FOXP1: variants seen among roughly 807,000 people sequenced by gnomAD.
FOXP1 encodes forkhead box P1, also known as forkhead box protein P1.
A neutral mutation model predicts 98.2 loss-of-function variants in FOXP1; 15 were observed. The ratio of observed to expected loss-of-function variants is 0.15; its 90% confidence interval spans 0.10 to 0.24. The LOEUF (loss-of-function observed/expected upper bound fraction) is 0.24. Ranked by LOEUF, FOXP1 falls within the 10% of genes least tolerant of loss-of-function variation. FOXP1 has a pLI of 1.00. For missense variants in FOXP1, 633 were observed against 848.5 expected, an observed-to-expected ratio of 0.75 and a Z score of 3.15; for synonymous variants, 371 against 314.5, an observed-to-expected ratio of 1.18 and a Z score of -1.90.
rs2045249486 is a variant in FOXP1 at position 71,545,093 on chromosome 3, CA to C, written c.-298+36455del. On this transcript the variant is annotated intron_variant, in intron 2 of 20. Transcript: ENST00000649528. The stretch of plus-strand genomic sequence containing the variant: ...TTAACCAGGACCATGGGTGGTAAAA[CA>C]ATTTTTTTTTTATTAAAAATAACCA... 2.2e-5 allele frequency among the ~76,000 whole-genome samples: 3 copies of C among 139,104 alleles called. No individual in the cohort carries two copies. In the East Asian group the frequency reaches 5.8e-4, roughly 27 times the overall value. The allele number at this position is 139,104 out of a possible 152,430, so 91.3% of individuals were successfully genotyped here.
chr3:71,575,456 T>TAC (rs141932734), intron 2 of FOXP1, among the ~76,000 whole-genome samples: 84 of 149,530 alleles, frequency 5.6e-4, no homozygotes, highest in South Asian at 4.0e-3. Context: ...CACACACACA[T>TAC]ACACACACAC....
At chr3:71,147,718 T>G (rs879411636) in intron 6 of FOXP1, among the ~76,000 whole-genome samples, 2 of 152,196 alleles carry the variant, frequency 1.3e-5, no homozygotes, top group Non-Finnish European at 2.9e-5. Context: ...CTTGGTTATA[T>G]CAACAACCAA....
chr3:71,255,968 G>A (rs2107120302), intron 5 of FOXP1, among the ~76,000 whole-genome samples: 1 of 152,248 alleles, frequency 6.6e-6, no homozygotes, highest in African/African-American at 2.4e-5. Flanking sequence ...TTAATCTCAT[G>A]AATTGTGCAT....
intron 2 of FOXP1, among the ~76,000 whole-genome samples, chr3:71,577,805 C>T (rs1316104982): frequency 6.6e-6 from 1 of 152,074 alleles, no homozygotes; most frequent in Non-Finnish European, 1.5e-5. Context: ...AAAAAATCCC[C>T]TGCAAATAGT....
At chr3:71,389,354 C>T (rs1290515134) in intron 3 of FOXP1, among the ~76,000 whole-genome samples, 2 of 149,696 alleles carry the variant, frequency 1.3e-5, no homozygotes, top group African/African-American at 2.5e-5. Context: ...GCATCACTTT[C>T]ATGAGCGACA....
At chr3:71,231,107 C>T (rs1187380021) in intron 5 of FOXP1, among the ~76,000 whole-genome samples, 1 of 152,178 alleles carries the variant, frequency 6.6e-6, no homozygotes, top group Non-Finnish European at 1.5e-5. Context: ...AATCATGTTT[C>T]TGCAGCTGAC....
chr3:71,198,077 C>T (rs940546651), intron 6 of FOXP1, 125 bp downstream of exon 6: 3 of 1,614,174 alleles, frequency 1.9e-6, no homozygotes, highest in Admixed American at 3.3e-5. Flanking sequence ...CACTGACAGA[C>T]AGAAAGACAG....
At chr3:71,517,205 T>C (rs74626082) in intron 2 of FOXP1, among the ~76,000 whole-genome samples, 2 of 147,742 alleles carry the variant, frequency 1.4e-5, no homozygotes, top group Admixed American at 1.3e-4. Flanking sequence ...AAAAAAAAAA[T>C]ACATGTGGCT....
In FOXP1 at chr3:71,282,096, G is replaced by GA. The variant is rs1234773641; in HGVS notation, c.-12+17723dup. Among the ~76,000 whole-genome samples, 791 of 146,630 alleles carry GA rather than the reference G, an allele frequency of 5.4e-3. 11 individuals carry two copies. The highest frequency in any genetic ancestry group is 0.017 in the African/African-American group (696 of 40,256). The stretch of plus-strand genomic sequence containing the variant: ...TGCACTCCAGCCTCGGTGACAGAGT[G>GA]AAAAAAAAAAATCTAAGCTGTAACA... On this transcript the variant is annotated intron_variant, in intron 5 of 20. Coordinates refer to ENST00000649528, the MANE Select transcript of FOXP1 (RefSeq NM_001349338.3).
At chr3:70,976,704 T>A (rs907610868) in intron 17 of FOXP1, among the ~76,000 whole-genome samples, 1 of 152,178 alleles carries the variant, frequency 6.6e-6, no homozygotes, top group African/African-American at 2.4e-5. Flanking sequence ...CAGAGAGAGA[T>A]CACTTTACTG....
intron 2 of FOXP1, among the ~76,000 whole-genome samples, chr3:71,540,414 C>T (rs2107604617): frequency 6.6e-6 from 1 of 152,334 alleles, no homozygotes; most frequent in South Asian, 2.1e-4. Flanking sequence ...GTGAGAAACA[C>T]AAACCAATCT....
At chr3:71,251,533 C>G (rs1175224936) in intron 5 of FOXP1, among the ~76,000 whole-genome samples, 1 of 152,146 alleles carries the variant, frequency 6.6e-6, no homozygotes, top group Non-Finnish European at 1.5e-5. Flanking sequence ...AATACAGAAC[C>G]AAAGACCATT....
chr3:71,577,748 T>G (rs918692439), intron 2 of FOXP1, among the ~76,000 whole-genome samples: 4 of 151,926 alleles, frequency 2.6e-5, no homozygotes, highest in Non-Finnish European at 5.9e-5. Context: ...TCTCACAAAC[T>G]CAATGTTTGA....
At chr3:71,419,917 T>C (rs1005213460) in intron 3 of FOXP1, among the ~76,000 whole-genome samples, 5 of 151,890 alleles carry the variant, frequency 3.3e-5, no homozygotes, top group Non-Finnish European at 1.5e-5. Flanking sequence ...CAGGTTCAAG[T>C]GATTCTCGTG....
intron 2 of FOXP1, among the ~76,000 whole-genome samples, chr3:71,545,974 T>C (rs1578121467): frequency 6.6e-6 from 1 of 152,250 alleles, no homozygotes; most frequent in Admixed American, 6.5e-5. Context: ...TCCAAAATTC[T>C]AGCCAACATC....
intron 7 of FOXP1, among the ~76,000 whole-genome samples, chr3:71,103,786 C>T (rs1345882804): frequency 1.3e-5 from 2 of 152,166 alleles, no homozygotes; most frequent in African/African-American, 2.4e-5. Flanking sequence ...CTCTGCACTT[C>T]AGCAGAAATT....
intron 4 of FOXP1, among the ~76,000 whole-genome samples, chr3:71,356,213 CAAAAAAAAAAAAAA>C (rs3064928): frequency 2.7e-5 from 2 of 75,352 alleles, no homozygotes; most frequent in African/African-American, 9.0e-5. Flanking sequence ...CTGACTAAGT[CAAAAAAAAAAAAAA>C]AAAAAAAGGA....
At chr3:71,116,604 G>A (rs978548740) in intron 6 of FOXP1, among the ~76,000 whole-genome samples, 3 of 152,282 alleles carry the variant, frequency 2.0e-5, no homozygotes, top group Non-Finnish European at 4.4e-5. Flanking sequence ...AACAGAGTAG[G>A]AACAAATTAT....
At chr3:71,067,986 T>TTA (rs1393997405) in intron 7 of FOXP1, among the ~76,000 whole-genome samples, 1 of 107,256 alleles carries the variant, frequency 9.3e-6, no homozygotes, top group Admixed American at 8.2e-5. Context: ...TACTGGATAA[T>TTA]TATAAAAAAA....
Sources: gnomAD v4.1 joint callset for allele counts (sites outside exome capture counted in the v4.1 genomes callset) on GRCh38, gnomAD v4.1.1 for gene constraint, MANE v1.5 for transcripts, NCBI Gene and HGNC (gene_info 2026-07-23, HGNC 2026-07-21) for gene names.